CHODL: variants seen among roughly 807,000 people sequenced by gnomAD.
CHODL encodes chondrolectin.
Under a neutral mutation model 34.5 loss-of-function variants are expected in CHODL, and 29 were observed. The ratio of observed to expected loss-of-function variants is 0.84; its 90% confidence interval spans 0.63 to 1.15. The LOEUF is 1.15. Ranked by LOEUF, CHODL falls within the 50% of genes most tolerant of loss-of-function variation. CHODL has a pLI of 0.00. For missense variants in CHODL, 332 were observed against 332.5 expected, an observed-to-expected ratio of 1.00 and a Z score of 0.01; for synonymous variants, 125 against 116.1, an observed-to-expected ratio of 1.08 and a Z score of -0.49.
At chr21:18,127,833 A>C (rs1029208520) in intron 2 of CHODL, among the ~76,000 whole-genome samples, 4 of 151,990 alleles carry the variant, frequency 2.6e-5, no homozygotes, top group Non-Finnish European at 5.9e-5. Flanking sequence ...GCTCTCATCT[A>C]TCTTGGTCAG....
At chr21:18,166,289 A>T (rs1346757606) in intron 2 of CHODL, among the ~76,000 whole-genome samples, 2 of 152,156 alleles carry the variant, frequency 1.3e-5, no homozygotes, top group Admixed American at 6.5e-5. Flanking sequence ...TCTTCCAGGG[A>T]AGTTCCAGGT....
intron 2 of CHODL, among the ~76,000 whole-genome samples, chr21:18,037,865 C>T (rs2064329499): frequency 6.6e-6 from 1 of 151,676 alleles, no homozygotes; most frequent in Non-Finnish European, 1.5e-5. Context: ...TAACATTTTC[C>T]TCTCATTTAT....
intron 1 of CHODL, among the ~76,000 whole-genome samples, chr21:18,247,138 G>A (rs2074150766): frequency 6.6e-6 from 1 of 152,078 alleles, no homozygotes; most frequent in African/African-American, 2.4e-5. Flanking sequence ...AATGGCCAGA[G>A]AACAGAGCAG....
At chr21:18,080,008 G>C (rs749004850) in intron 2 of CHODL, among the ~76,000 whole-genome samples, 3 of 151,998 alleles carry the variant, frequency 2.0e-5, no homozygotes, top group Non-Finnish European at 4.4e-5. Context: ...ATTGTTTTCT[G>C]ACTTTTTAAT....
chr21:18,118,257 A>G (rs1214303358), intron 2 of CHODL, among the ~76,000 whole-genome samples: 1 of 152,148 alleles, frequency 6.6e-6, no homozygotes, highest in Non-Finnish European at 1.5e-5. Flanking sequence ...CTGTTTAGGT[A>G]CTCTGAGAGA....
intron 4 of CHODL, among the ~76,000 whole-genome samples, chr21:18,261,090 G>A (rs1423054445): frequency 6.6e-6 from 1 of 152,136 alleles, no homozygotes; most frequent in Non-Finnish European, 1.5e-5. Context: ...AACAAATGAA[G>A]TGATGCGCAG....
intron 1 of CHODL, among the ~76,000 whole-genome samples, chr21:17,932,412 C>T (rs1424413738): frequency 6.6e-6 from 1 of 152,140 alleles, no homozygotes; most frequent in African/African-American, 2.4e-5. Context: ...TCTCAAAGAA[C>T]TGAAAGTAGG....
chr21:18,131,231 C>G (rs1054711933), intron 2 of CHODL, among the ~76,000 whole-genome samples: 1 of 152,028 alleles, frequency 6.6e-6, no homozygotes, highest in African/African-American at 2.4e-5. Context: ...TAGTAAAGGG[C>G]CCTGCCTTCA....
chr21:17,939,236 T>C (rs924337768), intron 1 of CHODL, among the ~76,000 whole-genome samples: 11 of 152,138 alleles, frequency 7.2e-5, no homozygotes, highest in Admixed American at 1.3e-4. Context: ...TAACTCCTCA[T>C]TTCTCCTCCC....
chr21:17,993,997 C>A (rs2063823891), intron 1 of CHODL, among the ~76,000 whole-genome samples: 1 of 151,952 alleles, frequency 6.6e-6, no homozygotes, highest in Admixed American at 6.6e-5. Flanking sequence ...AGTCTTCTTT[C>A]TTTTTTTCTT....
intron 2 of CHODL, among the ~76,000 whole-genome samples, chr21:18,037,345 A>C (rs917321763): frequency 1.3e-5 from 2 of 151,926 alleles, no homozygotes; most frequent in Non-Finnish European, 2.9e-5. Flanking sequence ...GGAGTAGACA[A>C]TGTAAATGGA....
intron 2 of CHODL, among the ~76,000 whole-genome samples, chr21:18,107,951 A>T (rs1017729865): frequency 2.6e-5 from 4 of 152,228 alleles, no homozygotes; most frequent in Admixed American, 6.5e-5. Context: ...GCATAGAAAG[A>T]TAATTACAGG....
At chr21:18,012,373 C>T in intron 1 of CHODL, among the ~76,000 whole-genome samples, 1 of 152,228 alleles carries the variant, frequency 6.6e-6, no homozygotes, top group East Asian at 1.9e-4. Flanking sequence ...GCAAGAGCCT[C>T]TGACTTTGTC....
intron 2 of CHODL, among the ~76,000 whole-genome samples, chr21:18,217,283 G>A (rs556471773): frequency 6.6e-6 from 1 of 152,184 alleles, no homozygotes; most frequent in East Asian, 1.9e-4. Context: ...AATTCATATG[G>A]GAAAGAGGTT....
intron 2 of CHODL, among the ~76,000 whole-genome samples, chr21:18,045,128 A>G (rs2064426272): frequency 6.6e-6 from 1 of 151,992 alleles, no homozygotes; most frequent in Non-Finnish European, 1.5e-5. Context: ...AGAACAATGT[A>G]TAATATCTGA....
chr21:18,258,594 G>A (rs1418049053), intron 3 of CHODL, among the ~76,000 whole-genome samples: 1 of 151,860 alleles, frequency 6.6e-6, no homozygotes, highest in African/African-American at 2.4e-5. Context: ...TCATGCAAGA[G>A]CATTTATGAT....
intron 1 of CHODL, among the ~76,000 whole-genome samples, chr21:17,987,551 C>T (rs2063763137): frequency 6.6e-6 from 1 of 152,132 alleles, no homozygotes; most frequent in Admixed American, 6.6e-5. Context: ...TTGGATAAGT[C>T]AATCAATTTT....
At chr21:18,262,737 CT>C (rs2074397399) in intron 4 of CHODL, 53 bp from the exon 5 acceptor site, 5 of 1,016,446 alleles carry the variant, frequency 4.9e-6, no homozygotes, top group Middle Eastern at 2.2e-4. Flanking sequence ...CATATTTTTG[CT>C]TTAGAATTCT....
intron 2 of CHODL, among the ~76,000 whole-genome samples, chr21:18,069,999 C>T (rs1600963370): frequency 1.4e-5 from 1 of 71,380 alleles, no homozygotes; most frequent in African/African-American, 4.3e-5. Flanking sequence ...CTTCCCTTCC[C>T]TTCCCTTCCC....
Sources: allele counts gnomAD v4.1 joint callset (sites outside exome capture counted in the v4.1 genomes callset), GRCh38; gene constraint gnomAD v4.1.1; transcripts MANE v1.5; gene names NCBI Gene and HGNC (gene_info 2026-07-23, HGNC 2026-07-21).